Variants in YLPM1 observed in about 807,000 individuals in gnomAD.
The protein encoded by YLPM1 is YLP motif containing 1.
Under a neutral mutation model 230.0 loss-of-function variants are expected in YLPM1, and 99 were observed. That is an observed-to-expected ratio of 0.43 (90% CI 0.37 to 0.51). YLPM1 has a LOEUF of 0.51. YLPM1 is among the 20% of genes least tolerant of loss of function. The pLI, the probability that YLPM1 is intolerant of heterozygous loss-of-function variation, is 0.00. For synonymous variants in YLPM1, 984 were observed against 942.5 expected, an observed-to-expected ratio of 1.04 and a Z score of -0.81; for missense variants, 2,592 against 2,707.7, an observed-to-expected ratio of 0.96 and a Z score of 0.95.
intron 3 of YLPM1, 88 bp from the exon 4 acceptor site, chr14:74,781,246 C>T (rs958466209): frequency 2.2e-6 from 3 of 1,392,608 alleles, no homozygotes; most frequent in African/African-American, 2.9e-5. Flanking sequence ...CCTAAAGCGT[C>T]AAATGCCCTT....
At chr14:74,834,651 C>G (rs1160238108) in intron 19 of YLPM1, among the ~76,000 whole-genome samples, 7 of 152,154 alleles carry the variant, frequency 4.6e-5, no homozygotes, top group Admixed American at 6.6e-5. Flanking sequence ...AAAGACATTT[C>G]AGGAAGAATG....
intron 11 of YLPM1, among the ~76,000 whole-genome samples, chr14:74,814,464 A>G (rs1250917350): frequency 1.3e-5 from 2 of 152,204 alleles, no homozygotes; most frequent in East Asian, 1.9e-4. Context: ...TGTTTTTATC[A>G]TGAGAGGATG....
intron 18 of YLPM1, chr14:74,827,368 C>T (rs971271012): frequency 2.0e-6 from 2 of 985,368 alleles, no homozygotes; most frequent in Non-Finnish European, 2.4e-6. Flanking sequence ...TGTTTGGTTT[C>T]CAGTATGCCA....
rs370174323 is a variant in YLPM1, at chr14:74,821,524, T to A, written c.6111+387T>A. On this transcript the variant is annotated intron_variant, in intron 17 of 20. Transcript: ENST00000325680. The stretch of plus-strand genomic sequence containing the variant: ...CTTCTTTGCTACAAGATCTCCAAAT[T>A]TGAGTTTCTGTCAACAGAGGCAGAA... 47 of 154,602 alleles carry A rather than the reference T, an allele frequency of 3.0e-4. No individual in the cohort carries two copies. The South Asian group carries it at 7.8e-3, about 26-fold the overall frequency. 9.6% of individuals were successfully genotyped at this position (154,602 alleles called of 1,614,324 possible). A position where few individuals can be genotyped will look rare whatever the true frequency, so the allele number is the denominator to read the frequency against.
rs762672098 is a variant in YLPM1, at chr14:74,763,887, A to C, written c.398A>C (p.Asp133Ala). 6.4e-7 allele frequency: 1 copy of C among 1,551,296 alleles called. No individual in the cohort carries two copies. Among genetic ancestry groups the C allele is most frequent in the Middle Eastern group, 1.7e-4 (1 of 5,716 alleles). The part of the protein sequence containing the change: ...YKHQMLHHQR[D>A]GPPGLVPMEL... ...CACCAGATGCTCCACCACCAACGAG[A>C]CGGGCCTCCTGGTTTGGTTCCAATG... Residue 133 changes from aspartate (D) to alanine (A), a missense_variant, in exon 1 of 21, where the codon GAC becomes GCC. Asp to Ala is a moderately radical substitution (Grantham distance 126). Coordinates refer to ENST00000325680, the MANE Select transcript of YLPM1 (RefSeq NM_019589.3).
chr14:74,781,177 C>T (rs569960939), intron 3 of YLPM1, among the ~76,000 whole-genome samples, 157 bp from the exon 4 acceptor site: 2 of 152,312 alleles, frequency 1.3e-5, no homozygotes, highest in South Asian at 4.1e-4. Context: ...GAATGATCAT[C>T]ACTCAAAGAA....
At chr14:74,821,244 G>C (rs1412845643) in intron 17 of YLPM1, 107 bp downstream of exon 17, 44 of 1,376,054 alleles carry the variant, frequency 3.2e-5, no homozygotes, top group Non-Finnish European at 4.2e-5. Flanking sequence ...ATACACTTTA[G>C]TGGTAAAAGT....
At chr14:74,819,691 A>T (rs536605842) in intron 16 of YLPM1, among the ~76,000 whole-genome samples, 1 of 152,236 alleles carries the variant, frequency 6.6e-6, no homozygotes, top group African/African-American at 2.4e-5. Context: ...GTGGCAGTGG[A>T]CAGTTCTCAT....
chr14:74,799,500 G>T lies in YLPM1; in HGVS notation c.4203G>T (p.Leu1401Phe), dbSNP rs769623722. The T allele has an allele frequency of 3.7e-6, 6 of 1,613,996 alleles. 1 individual carries two copies. The South Asian group carries it at 5.5e-5, about 15-fold the overall frequency. ...GAATGGACTGGGAAAGAGAACGGTT[G>T]TCAGACAGATGGTACCCATCTGATG... ...PDRMDWERER[L>F]SDRWYPSDVD... The change falls in exon 5 of 21, where the codon TTG (leucine) becomes TTT (phenylalanine). Residue 1401 changes from leucine (L) to phenylalanine (F), a missense_variant. By Grantham distance (22) the Leu-to-Phe change is conservative (BLOSUM62 0). This residue lies in a region of YLPM1 where 1,862 missense variants were observed against 1,819.8 expected (regional missense o/e 1.02). Transcript: ENST00000325680.
At chr14:74,811,318 C>A (rs376886435) in intron 9 of YLPM1, among the ~76,000 whole-genome samples, 7 of 152,014 alleles carry the variant, frequency 4.6e-5, no homozygotes, top group African/African-American at 1.7e-4. Flanking sequence ...CCCATCTCTA[C>A]AAAAAATAAC....
intron 19 of YLPM1, among the ~76,000 whole-genome samples, chr14:74,834,241 A>G (rs1318944647): frequency 1.3e-5 from 2 of 151,744 alleles, no homozygotes; most frequent in African/African-American, 2.4e-5. Context: ...AAGAATATAT[A>G]TATATTAAAA....
chr14:74,816,526 T>C (rs2091479396), intron 12 of YLPM1, 45 bp from the exon 13 acceptor site: 1 of 1,572,608 alleles, frequency 6.4e-7, no homozygotes, highest in Non-Finnish European at 8.6e-7. Flanking sequence ...AACATTAATT[T>C]ATTCCATAAA....
rs944689413 is a variant in YLPM1, at chr14:74,834,791, TG to T, written c.6295-470del. 2.0e-4 allele frequency: 31 copies of T among 157,334 alleles called. No individual in the cohort carries two copies. In the East Asian group the frequency reaches 3.9e-3, roughly 20 times the overall value. 9.7% of individuals were successfully genotyped at this position (157,334 alleles called of 1,614,324 possible). A position where few individuals can be genotyped will look rare whatever the true frequency, so the allele number is the denominator to read the frequency against. ...CAGAGATGTTGCAGGAAAGTGTAGT[TG>T]GGGCCAGATCAAGAGGGACCTGAGT... On this transcript the variant is annotated intron_variant, in intron 19 of 20. Transcript: ENST00000325680.
In YLPM1 at chr14:74,798,341, G is replaced by A. The variant is rs2091285507; in HGVS notation, c.3044G>A (p.Gly1015Asp). ...GATAATAGATTAGAAGGCAATAGAGGCAACAGCTCATCTTACAGAGGTCCT... is the reference window on the plus strand; with the variant it reads ...GATAATAGATTAGAAGGCAATAGAGACAACAGCTCATCTTACAGAGGTCCT... Reference protein sequence around the residue: ...NRDNRLEGNRGNSSSYRGPGQ... With the variant: ...NRDNRLEGNRDNSSSYRGPGQ... The change falls in exon 5 of 21, where the codon GGC becomes GAC. Residue 1015 changes from glycine to aspartate, a missense_variant. Coordinates refer to ENST00000325680, the MANE Select transcript of YLPM1 (RefSeq NM_019589.3). 1.9e-6 allele frequency: 3 copies of A among 1,613,988 alleles called. No individual in the cohort carries two copies. The highest frequency in any genetic ancestry group is 1.7e-6 in the Non-Finnish European group (2 of 1,179,898).
chr14:74,784,951 G>A (rs2091132777), intron 4 of YLPM1, among the ~76,000 whole-genome samples: 1 of 152,212 alleles, frequency 6.6e-6, no homozygotes, highest in Admixed American at 6.5e-5. Flanking sequence ...TTCAGATGCA[G>A]AGGAGCATGG....
chr14:74,777,620 A>G (rs1349820516), intron 1 of YLPM1, among the ~76,000 whole-genome samples: 1 of 151,984 alleles, frequency 6.6e-6, no homozygotes, highest in Admixed American at 6.6e-5. Context: ...TGTGTACAGC[A>G]TATTCTCTTA....
rs2091646194 is a variant in YLPM1 at position 74,836,749 on chromosome 14, T to C, written c.*1011T>C. The C allele has an allele frequency of 6.6e-6, 1 of 152,652 alleles. No homozygotes were observed. The highest frequency in any genetic ancestry group is 2.4e-5 in the African/African-American group (1 of 41,460). 9.5% of individuals were successfully genotyped at this position (152,652 alleles called of 1,614,324 possible). ...TTAAGCCTGTCAGGTTTTCAAGTTC[T>C]TGCCAGATTGTTCATTACTGGAAAG... On this transcript the variant is annotated 3_prime_UTR_variant, in exon 21 of 21. Coordinates refer to ENST00000325680, the MANE Select transcript of YLPM1 (RefSeq NM_019589.3).
In YLPM1 at chr14:74,834,209, A is replaced by T. The variant is rs187004131; in HGVS notation, c.6295-1056A>T. ...AAAAAAAAAAAAAAAAATTACAAAAATTTTTAAAAAGCATAATATGTAAGA... is the reference window on the plus strand; with the variant it reads ...AAAAAAAAAAAAAAAAATTACAAAATTTTTTAAAAAGCATAATATGTAAGA... On this transcript the variant is annotated intron_variant, in intron 19 of 20. Coordinates refer to ENST00000325680, the MANE Select transcript of YLPM1 (RefSeq NM_019589.3). Among the ~76,000 whole-genome samples the T allele has an allele frequency of 1.3e-3, 193 of 151,462 alleles. 1 individual carries two copies. The highest frequency in any genetic ancestry group is 4.6e-3 in the African/African-American group (191 of 41,412).
In YLPM1 at chr14:74,809,964, G is replaced by A. The variant is rs770906109; in HGVS notation, c.4994G>A (p.Arg1665His). ...QIPYGERITL[R>H]PDPLPERSTF... Reference sequence around the variant, plus strand: ...CCTTATGGAGAAAGAATAACTCTACGCCCAGATCCACTACCTGAAAGATCA... The same window carrying A: ...CCTTATGGAGAAAGAATAACTCTACACCCAGATCCACTACCTGAAAGATCA... Residue 1665 changes from arginine to histidine, a missense_variant, in exon 8 of 21, where the codon CGC (arginine) becomes CAC (histidine). By Grantham distance (29) the Arg-to-His change is conservative. Around this residue, in one of 4 missense-constraint regions of YLPM1, gnomAD observed 403 missense variants for 426.7 expected, o/e 0.94. Coordinates refer to ENST00000325680, the MANE Select transcript of YLPM1 (RefSeq NM_019589.3). 7 of 1,609,262 alleles carry A rather than the reference G, an allele frequency of 4.3e-6. No individual in the cohort carries two copies. Among genetic ancestry groups the A allele is most frequent in the Admixed American group, 1.7e-5 (1 of 59,368 alleles).
Sources: gnomAD v4.1 joint callset for allele counts (sites outside exome capture counted in the v4.1 genomes callset) on GRCh38, gnomAD v4.1.1 for gene constraint, gnomAD v4.1.1 regional missense constraint, MANE v1.5 for transcripts, NCBI Gene and HGNC (gene_info 2026-07-23, HGNC 2026-07-21) for gene names.